The following SRCAP variants were observed in gnomAD, a reference collection of about 807,000 sequenced individuals.
SRCAP encodes Snf2 related CREBBP activator protein, also known as chromatin remodeling protein SRCAP.
Under a neutral mutation model 263.1 loss-of-function variants are expected in SRCAP, and 46 were observed. That is an observed-to-expected ratio of 0.17 (90% confidence interval 0.14 to 0.22). The LOEUF (loss-of-function observed/expected upper bound fraction) is 0.22. Among genes scored for constraint, SRCAP ranks in the 10% least tolerant of loss-of-function variants. The pLI is 1.00. For missense variants in SRCAP, 3,695 were observed against 4,181.9 expected, an observed-to-expected ratio of 0.88 and a Z score of 3.21; for synonymous variants, 1,813 against 1,662.1, an observed-to-expected ratio of 1.09 and a Z score of -2.21.
At chr16:30,705,435 G>T (rs2052815762) in intron 4 of SRCAP, among the ~76,000 whole-genome samples, 1 of 151,618 alleles carries the variant, frequency 6.6e-6, no homozygotes, top group Non-Finnish European at 1.5e-5. Context: ...GTCTCGCTCT[G>T]TCGCCCAGGC....
chr16:30,733,790 C>T lies in SRCAP; in HGVS notation c.6486C>T (p.His2162=), dbSNP rs765466734. 4 of 1,613,290 alleles carry T rather than the reference C, an allele frequency of 2.5e-6. No homozygotes were observed. In the Admixed American group the frequency reaches 6.7e-5, roughly 27 times the overall value. ...GAATTGGCCAGACCCGGGATGTCCA[C>T]ATATATAGGTATTGCCTAGTCTTCC... ...CHRIGQTRDV[H]IYRLISERTV... is the part of the protein sequence containing the mutation. The change falls in exon 29 of 34, where the codon CAC becomes CAT. Residue 2162 remains histidine (H), a synonymous_variant. Transcript: ENST00000262518. The surrounding 1 kb of genome is among the most constrained non-coding windows in gnomAD (Gnocchi z 5.3).
Position 30,729,072 on chromosome 16 carries a change from T to C in SRCAP, c.5765T>C (p.Val1922Ala), listed in dbSNP as rs2053089264. ...CTGGCACCTGTGTATGGGACTGAAG[T>C]CCTGGATTTCTGTACCCTGCCCCAA... ...GALAPVYGTEVLDFCTLPQPV... is the reference protein window; with the variant it reads ...GALAPVYGTEALDFCTLPQPV... Residue 1922 changes from valine to alanine, a missense_variant, in exon 26 of 34, where the codon GTC becomes GCC. Around this residue, in one of 12 missense-constraint regions of SRCAP, gnomAD observed 1,347 missense variants for 1,304.4 expected, o/e 1.03. Transcript: ENST00000262518. 6.2e-7 allele frequency: 1 copy of C among 1,614,090 alleles called. No homozygotes were observed. The highest frequency in any genetic ancestry group is 1.3e-5 in the African/African-American group (1 of 74,924).
Position 30,729,476 on chromosome 16 carries a change from G to A in SRCAP, c.6031G>A (p.Ala2011Thr), listed in dbSNP as rs762619250. The A allele has an allele frequency of 1.2e-6, 2 of 1,614,132 alleles. No individual in the cohort carries two copies. Among genetic ancestry groups the A allele is most frequent in the Admixed American group, 1.7e-5 (1 of 60,018 alleles). Residue 2011 changes from alanine to threonine, a missense_variant, in exon 27 of 34, where the codon GCC (alanine) becomes ACC (threonine). Ala to Thr is a moderately conservative substitution (Grantham distance 58). Around this residue, in one of 12 missense-constraint regions of SRCAP, gnomAD observed 1,347 missense variants for 1,304.4 expected, o/e 1.03. Transcript: ENST00000262518. ...PRQAAFQEQL[A>T]SELWPRARPL... ...TCAGGCAGCCTTCCAGGAGCAATTG[G>A]CCTCTGAGCTCTGGCCCCGGGCTCG...
chr16:30,739,204 C>A lies in SRCAP; in HGVS notation c.9164C>A (p.Ser3055Tyr). Reference protein sequence around the residue: ...QGQGESEGSSSDEDGSRPLTR... With the variant: ...QGQGESEGSSYDEDGSRPLTR... ...CAAGGGGAGAGTGAGGGTAGTTCCT[C>A]TGATGAGGATGGAAGCCGCCCCCTC... The change falls in exon 34 of 34, where the codon TCT becomes TAT. Residue 3055 changes from serine to tyrosine, a missense_variant. This residue lies in a region of SRCAP where 1,207 missense variants were observed against 1,142.9 expected (regional missense o/e 1.06). Coordinates refer to ENST00000262518, the MANE Select transcript of SRCAP (RefSeq NM_006662.3). 6.2e-7 allele frequency: 1 copy of A among 1,613,740 alleles called. No homozygotes were observed.
chr16:30,729,450 G>C lies in SRCAP; in HGVS notation c.6005G>C (p.Arg2002Pro). 6.2e-7 allele frequency: 1 copy of C among 1,614,152 alleles called. No homozygotes were observed. The highest frequency in any genetic ancestry group is 8.5e-7 in the Non-Finnish European group (1 of 1,180,020). Residue 2002 changes from arginine to proline, a missense_variant, in exon 27 of 34, where the codon CGT becomes CCT. Physicochemically the swap from Arg to Pro is moderately radical, Grantham distance 103. Coordinates refer to ENST00000262518, the MANE Select transcript of SRCAP (RefSeq NM_006662.3). Reference sequence around the variant, plus strand: ...CACCCACCTCCTTGGCTGGCCCCACGTCAGGCAGCCTTCCAGGAGCAATTG... The same window carrying C: ...CACCCACCTCCTTGGCTGGCCCCACCTCAGGCAGCCTTCCAGGAGCAATTG... Reference protein sequence around the residue: ...ACHPPPWLAPRQAAFQEQLAS... With the variant: ...ACHPPPWLAPPQAAFQEQLAS...
Position 30,713,188 on chromosome 16 carries a change from TTCTG to T in SRCAP, c.2131-16_2131-13del, listed in dbSNP as rs1216625878. The T allele has an allele frequency of 6.2e-7, 1 of 1,611,526 alleles. No individual in the cohort carries two copies. The highest frequency in any genetic ancestry group is 1.3e-5 in the African/African-American group (1 of 74,892). The stretch of plus-strand genomic sequence containing the variant: ...TCTTTTCATCCCACTATCTGCTACT[TTCTG>T]TCTTTGATCCCTCAGGGCTGGACCA... On this transcript the variant is annotated splice_polypyrimidine_tract_variant and intron_variant, in intron 14 of 33. Coordinates refer to ENST00000262518, the MANE Select transcript of SRCAP (RefSeq NM_006662.3).
Position 30,737,583 on chromosome 16 carries a change from C to G in SRCAP, c.7543C>G (p.Pro2515Ala), listed in dbSNP as rs1166867010. The change falls in exon 34 of 34, where the codon CCA becomes GCA. Residue 2515 changes from proline (P) to alanine (A), a missense_variant. Coordinates refer to ENST00000262518, the MANE Select transcript of SRCAP (RefSeq NM_006662.3). ...CCCTCCACCAGCTCATACACCGCCT[C>G]CAGCCCAAACCTGTCTTGTAACTCC... ...CTPPPAHTPP[P>A]AQTCLVTPSS... 6.2e-7 allele frequency: 1 copy of G among 1,614,124 alleles called. No individual in the cohort carries two copies. Among genetic ancestry groups the G allele is most frequent in the Admixed American group, 1.7e-5 (1 of 60,018 alleles).
At chr16:30,700,336 G>A (rs1311353675) in intron 2 of SRCAP, among the ~76,000 whole-genome samples, 1 of 152,196 alleles carries the variant, frequency 6.6e-6, no homozygotes, top group Non-Finnish European at 1.5e-5. Flanking sequence ...GCTACATTTA[G>A]GTCGGGAATC....
intron 33 of SRCAP, 33 bp from the exon 34 acceptor site, chr16:30,737,016 C>A (rs746500655): frequency 1.4e-5 from 22 of 1,545,686 alleles, no homozygotes; most frequent in Non-Finnish European, 1.8e-5. Flanking sequence ...CTGCTTGCCT[C>A]CTCCTGACCA....
Position 30,716,400 on chromosome 16 carries a change from C to A in SRCAP, c.2738C>A (p.Thr913Asn). The stretch of plus-strand genomic sequence containing the variant: ...AATCTGTTCGACCCTCGACCGGTTA[C>A]CTCCCCTTTCATCACCCCAGGCATC... ...HPNLFDPRPVTSPFITPGICF... is the reference protein window; with the variant it reads ...HPNLFDPRPVNSPFITPGICF... The change falls in exon 18 of 34, where the codon ACC (threonine) becomes AAC (asparagine). Residue 913 changes from threonine (T) to asparagine (N), a missense_variant. By Grantham distance (65) the Thr-to-Asn change is moderately conservative. Coordinates refer to ENST00000262518, the MANE Select transcript of SRCAP (RefSeq NM_006662.3). 1 of 1,614,212 alleles carries A rather than the reference C, an allele frequency of 6.2e-7. No individual in the cohort carries two copies. Among genetic ancestry groups the A allele is most frequent in the Non-Finnish European group, 8.5e-7 (1 of 1,180,046 alleles).
chr16:30,731,755 A>G (rs1596662654), intron 27 of SRCAP, among the ~76,000 whole-genome samples: 1 of 151,994 alleles, frequency 6.6e-6, no homozygotes, highest in Admixed American at 6.6e-5. Context: ...AGCTACTCAG[A>G]TGGCTGGATT....
Position 30,728,966 on chromosome 16 carries a change from G to A in SRCAP, c.5659G>A (p.Asp1887Asn). The part of the protein sequence containing the change: ...PPPPRSPFYL[D>N]SLEEKRKRQR... ...CTTCCTCTTTTTCTCTCACCCCCAG[G>A]ACTCCCTGGAGGAAAAGCGGAAGCG... Residue 1887 changes from aspartate (D) to asparagine (N), a missense_variant and splice_region_variant, in exon 26 of 34, where the codon GAC (aspartate) becomes AAC (asparagine). Around this residue, in one of 12 missense-constraint regions of SRCAP, gnomAD observed 1,347 missense variants for 1,304.4 expected, o/e 1.03. Transcript: ENST00000262518. The A allele has an allele frequency of 1.2e-6, 2 of 1,611,148 alleles. No individual in the cohort carries two copies. Among genetic ancestry groups the A allele is most frequent in the Non-Finnish European group, 1.7e-6 (2 of 1,177,640 alleles).
intron 25 of SRCAP, 160 bp downstream of exon 25, chr16:30,725,242 C>A: frequency 7.2e-7 from 1 of 1,382,186 alleles, no homozygotes; most frequent in Non-Finnish European, 9.5e-7. Flanking sequence ...CTTCTCTTCC[C>A]TGGGCGTGTA....
At chr16:30,707,848 TAAA>T in intron 6 of SRCAP, 136 bp downstream of exon 6, 2 of 1,181,420 alleles carry the variant, frequency 1.7e-6, no homozygotes, top group Non-Finnish European at 2.4e-6. Flanking sequence ...GTTGTATGGA[TAAA>T]AAAGTATAGT....
In SRCAP at chr16:30,709,927, C is replaced by G; in HGVS notation, c.933C>G (p.Gly311=). The G allele has an allele frequency of 6.2e-7, 1 of 1,614,144 alleles. No homozygotes were observed. The highest frequency in any genetic ancestry group is 8.5e-7 in the Non-Finnish European group (1 of 1,180,020). ...TTGAAGTTGAAGAACAACAGGAAGG[C>G]AATGATGCAGAGGCCCAGAGGCGTG... ...ETIEVEEQQE[G]NDAEAQRREI... Residue 311 remains glycine, a synonymous_variant, in exon 8 of 34, where the codon GGC becomes GGG. Transcript: ENST00000262518.
Position 30,710,988 on chromosome 16 carries a change from C to T in SRCAP, c.1229-11C>T. 1 of 1,613,028 alleles carries T rather than the reference C, an allele frequency of 6.2e-7. No homozygotes were observed. The highest frequency in any genetic ancestry group is 1.1e-5 in the South Asian group (1 of 91,046). On this transcript the variant is annotated splice_polypyrimidine_tract_variant and intron_variant, in intron 9 of 33. Coordinates refer to ENST00000262518, the MANE Select transcript of SRCAP (RefSeq NM_006662.3). ...CTATCCCTATTAATCTTGCTTCTGT[C>T]TCTTTCCTAGCGGAGGATGAAGAGG...
chr16:30,709,738 G>T lies in SRCAP; in HGVS notation c.856+3G>T. 6.2e-7 allele frequency: 1 copy of T among 1,614,144 alleles called. No individual in the cohort carries two copies. The highest frequency in any genetic ancestry group is 1.1e-5 in the South Asian group (1 of 91,062). On this transcript the variant is annotated splice_donor_region_variant and intron_variant, in intron 7 of 33. Transcript: ENST00000262518. ...TGCTTCTCGCCTGGATGATGAAGGT[G>T]TGTGTTCTCTTTGGTCCTGTTACTC...
At position 30,739,239 on chromosome 16, in the gene SRCAP, G is replaced by T; in HGVS notation, c.9199G>T (p.Ala3067Ser). The change falls in exon 34 of 34, where the codon GCC (alanine) becomes TCC (serine). Residue 3067 changes from alanine (A) to serine (S), a missense_variant. By Grantham distance (99) the Ala-to-Ser change is moderately conservative. Transcript: ENST00000262518. ...EDGSRPLTRL[A>S]RLRLEAEGMR... ...TGGAAGCCGCCCCCTCACCCGCCTG[G>T]CCCGCCTTCGGCTTGAAGCAGAAGG... 1 of 1,613,564 alleles carries T rather than the reference G, an allele frequency of 6.2e-7. No homozygotes were observed.
Position 30,718,661 on chromosome 16 carries a change from G to A in SRCAP, c.2818-1501G>A, listed in dbSNP as rs1193996437. Among the ~76,000 whole-genome samples, 7 of 151,810 alleles carry A rather than the reference G, an allele frequency of 4.6e-5. No individual in the cohort carries two copies. In the East Asian group the frequency reaches 1.2e-3, roughly 25 times the overall value. On this transcript the variant is annotated intron_variant, in intron 18 of 33. Transcript: ENST00000262518. ...TAATTTTTGTATTTTTAGTAGAGAT[G>A]AGGTTTCACCACGTTGCCCAGCTGG... is the stretch of plus-strand genomic sequence containing the variant.
Sources: allele counts gnomAD v4.1 joint callset (sites outside exome capture counted in the v4.1 genomes callset), GRCh38; gene constraint gnomAD v4.1.1; regional missense constraint gnomAD v4.1.1; non-coding constraint Gnocchi (gnomAD v3.1); transcripts MANE v1.5; gene names NCBI Gene and HGNC (gene_info 2026-07-23, HGNC 2026-07-21).